Variants in SIN3A observed in about 807,000 individuals in gnomAD.
The protein encoded by SIN3A is SIN3 transcription regulator family member A.
A neutral mutation model predicts 146.1 loss-of-function variants in SIN3A; 14 were observed. That is an observed-to-expected ratio of 0.10 (90% CI 0.06 to 0.15). The LOEUF (loss-of-function observed/expected upper bound fraction) is 0.15, where lower values mean the gene tolerates loss of function less well. Among genes scored for constraint, SIN3A ranks in the 10% least tolerant of loss-of-function variants. The pLI, the probability that SIN3A is intolerant of heterozygous loss-of-function variation, is 1.00. For missense variants in SIN3A, 1,028 were observed against 1,576.0 expected, an observed-to-expected ratio of 0.65 and a Z score of 5.89; for synonymous variants, 572 against 572.0, an observed-to-expected ratio of 1.00 and a Z score of 0.00.
At chr15:75,391,926 G>A (rs1219430366) in intron 15 of SIN3A, among the ~76,000 whole-genome samples, 4 of 152,174 alleles carry the variant, frequency 2.6e-5, no homozygotes, top group African/African-American at 7.2e-5. Context: ...GTCTCTATCT[G>A]TACTTTGAAA....
At chr15:75,416,543 C>T (rs894639910) in intron 3 of SIN3A, among the ~76,000 whole-genome samples, 4 of 152,200 alleles carry the variant, frequency 2.6e-5, no homozygotes, top group African/African-American at 9.7e-5. Flanking sequence ...CCAGGCTGGT[C>T]TCAAACTCCT....
At chr15:75,372,934 A>G (rs529940802) in intron 20 of SIN3A, among the ~76,000 whole-genome samples, 1 of 152,178 alleles carries the variant, frequency 6.6e-6, no homozygotes, top group African/African-American at 2.4e-5. Flanking sequence ...GGTAGGACCC[A>G]GTGAGCCATT....
At position 75,389,768 on chromosome 15, in the gene SIN3A, G is replaced by A. The variant is rs2073161939; in HGVS notation, c.2905C>T (p.Leu969=). The change falls in exon 16 of 21, where the codon CTG becomes TTG. Residue 969 remains leucine (L), a synonymous_variant. Transcript: ENST00000394947. ...YPAFLDMVRS[L]LDGNIDSSQY... ...GATGAGTCTATGTTGCCATCCAGCA[G>A]GCTCCGCACCATGTCCAGGAAAGCT... 1 of 1,614,026 alleles carries A rather than the reference G, an allele frequency of 6.2e-7. No homozygotes were observed. The highest frequency in any genetic ancestry group is 1.3e-5 in the African/African-American group (1 of 74,910).
At chr15:75,410,023 C>CT (rs770557792) in intron 7 of SIN3A, 32 bp from the exon 8 acceptor site, 52 of 1,610,146 alleles carry the variant, frequency 3.2e-5, no homozygotes, top group Non-Finnish European at 4.1e-5. Flanking sequence ...GATTAATGCT[C>CT]TTATCAAAGC....
intron 9 of SIN3A, among the ~76,000 whole-genome samples, chr15:75,406,040 G>T (rs2073506141): frequency 6.6e-6 from 1 of 152,148 alleles, no homozygotes; most frequent in South Asian, 2.1e-4. Flanking sequence ...GGGATCAGGA[G>T]ATACTAATCA....
intron 12 of SIN3A, among the ~76,000 whole-genome samples, chr15:75,399,810 T>A (rs2073377349): frequency 6.6e-6 from 1 of 152,242 alleles, no homozygotes; most frequent in Admixed American, 6.5e-5. Context: ...ATGGACAATT[T>A]CAGTTAAAAG....
At chr15:75,425,201 C>T (rs1362517645) in intron 2 of SIN3A, among the ~76,000 whole-genome samples, 2 of 152,182 alleles carry the variant, frequency 1.3e-5, no homozygotes, top group African/African-American at 4.8e-5. Flanking sequence ...GAAACACTCT[C>T]GCTCTATCGC....
intron 19 of SIN3A, among the ~76,000 whole-genome samples, chr15:75,377,192 C>A (rs556275510): frequency 1.3e-5 from 2 of 152,172 alleles, no homozygotes; most frequent in Non-Finnish European, 2.9e-5. Context: ...TTGTCAAACT[C>A]TGTTGGTTTA....
intron 18 of SIN3A, 108 bp from the exon 19 acceptor site, chr15:75,380,831 T>G: frequency 1.3e-6 from 1 of 756,766 alleles, no homozygotes. Context: ...AATTCATAAA[T>G]TTCAAGATCA....
At chr15:75,393,235 A>G (rs1021559004) in intron 14 of SIN3A, among the ~76,000 whole-genome samples, 2 of 152,212 alleles carry the variant, frequency 1.3e-5, no homozygotes. Context: ...TCTCAAAACA[A>G]AACTTAGGAC....
intron 1 of SIN3A, among the ~76,000 whole-genome samples, chr15:75,445,759 GAAAA>G (rs774883850): frequency 1.3e-4 from 11 of 86,462 alleles, no homozygotes; most frequent in East Asian, 1.0e-3. Flanking sequence ...TCAAAAAAAA[GAAAA>G]AAAAAAAAAA....
intron 3 of SIN3A, among the ~76,000 whole-genome samples, chr15:75,418,177 G>A (rs532319955): frequency 5.9e-5 from 9 of 151,928 alleles, no homozygotes; most frequent in East Asian, 3.9e-4. Context: ...GATTATAGGC[G>A]CCTGCCACCA....
At chr15:75,419,472 T>A (rs2073803774) in intron 3 of SIN3A, 2 of 152,074 alleles carry the variant, frequency 1.3e-5, no homozygotes, top group African/African-American at 4.8e-5. Context: ...TATGTATATG[T>A]CTGAAACAAA....
chr15:75,401,931 A>G lies in SIN3A; in HGVS notation c.1447T>C (p.Phe483Leu). ...ALRSAEAYENFLRCLVIFNQE... is the reference protein window; with the variant it reads ...ALRSAEAYENLLRCLVIFNQE... ...TTAAAAATAACAAGACAGCGTAGGA[A>G]ATTTTCGTAGGCTTCTGCACTCCGA... The change falls in exon 10 of 21, where the codon TTC (phenylalanine) becomes CTC (leucine). Residue 483 changes from phenylalanine to leucine, a missense_variant. By Grantham distance (22) the Phe-to-Leu change is conservative. Coordinates refer to ENST00000394947, the MANE Select transcript of SIN3A (RefSeq NM_001145358.2). 1 of 1,613,978 alleles carries G rather than the reference A, an allele frequency of 6.2e-7. No homozygotes were observed. The highest frequency in any genetic ancestry group is 8.5e-7 in the Non-Finnish European group (1 of 1,179,870).
intron 12 of SIN3A, 69 bp from the exon 13 acceptor site, chr15:75,396,565 G>A: frequency 1.8e-6 from 2 of 1,138,884 alleles, no homozygotes; most frequent in Non-Finnish European, 2.6e-6. Flanking sequence ...GTGTTTAGAA[G>A]AATAAGGTAG....
intron 17 of SIN3A, among the ~76,000 whole-genome samples, chr15:75,383,531 CTT>C (rs374790673): frequency 1.4e-4 from 19 of 138,358 alleles, no homozygotes; most frequent in Admixed American, 1.5e-4. Flanking sequence ...TCAAGCAATC[CTT>C]TTTTTTTTTT....
At position 75,375,715 on chromosome 15, in the gene SIN3A, T is replaced by C; in HGVS notation, c.3541A>G (p.Lys1181Glu). 1.2e-6 allele frequency: 2 copies of C among 1,614,216 alleles called. No individual in the cohort carries two copies. The highest frequency in any genetic ancestry group is 1.7e-6 in the Non-Finnish European group (2 of 1,180,030). Reference sequence around the variant, plus strand: ...CTCCGATACATATAGTCCTCTGATTTGATCACATACACCATCTTGTAGGAA... The same window carrying C: ...CTCCGATACATATAGTCCTCTGATTCGATCACATACACCATCTTGTAGGAA... ...LNSYKMVYVI[K>E]SEDYMYRRTA... Residue 1181 changes from lysine to glutamate, a missense_variant, in exon 20 of 21, where the codon AAA (lysine) becomes GAA (glutamate). Lys to Glu is a moderately conservative substitution (Grantham distance 56). This residue lies in a region of SIN3A where 488 missense variants were observed against 690.2 expected (regional missense o/e 0.71). Transcript: ENST00000394947.
Position 75,400,087 on chromosome 15 carries a change from T to A in SIN3A, c.1807A>T (p.Thr603Ser). ...CGATAAATATGTTCTTCATATTGAG[T>A]CTTCTTGGAACTCACAAAGGTAGAG... ...EDSTFVSSKK[T>S]QYEEHIYRCE... is the part of the protein sequence containing the mutation. Residue 603 changes from threonine to serine, a missense_variant, in exon 12 of 21, where the codon ACT becomes TCT. Thr to Ser is a moderately conservative substitution (Grantham distance 58). Coordinates refer to ENST00000394947, the MANE Select transcript of SIN3A (RefSeq NM_001145358.2). The A allele has an allele frequency of 6.2e-7, 1 of 1,612,112 alleles. No individual in the cohort carries two copies. The highest frequency in any genetic ancestry group is 8.5e-7 in the Non-Finnish European group (1 of 1,178,282).
At chr15:75,425,795 T>A (rs1567393686) in intron 2 of SIN3A, among the ~76,000 whole-genome samples, 1 of 152,206 alleles carries the variant, frequency 6.6e-6, no homozygotes, top group Non-Finnish European at 1.5e-5. Flanking sequence ...CATGAAACTT[T>A]CTTTCTCTAA....
Sources: gnomAD v4.1 joint callset for allele counts (sites outside exome capture counted in the v4.1 genomes callset) on GRCh38, gnomAD v4.1.1 for gene constraint, gnomAD v4.1.1 regional missense constraint, MANE v1.5 for transcripts, NCBI Gene and HGNC (gene_info 2026-07-23, HGNC 2026-07-21) for gene names.